The following FHOD3 variants were observed in gnomAD, a reference collection of about 807,000 sequenced individuals.
The protein encoded by FHOD3 is FH1/FH2 domain-containing protein 3.
FHOD3 carries 90 observed loss-of-function variants against 173.0 expected under a neutral mutation model. The observed-to-expected ratio is 0.52, with a 90% CI of 0.44 to 0.62. The LOEUF (loss-of-function observed/expected upper bound fraction) is 0.62. Ranked by LOEUF, FHOD3 falls within the 20% of genes least tolerant of loss-of-function variation. The pLI, the probability that FHOD3 is intolerant of heterozygous loss-of-function variation, is 0.00. For missense variants in FHOD3, 1,945 were observed against 2,034.7 expected (o/e 0.96, Z 0.85); for synonymous variants, 828 against 823.0 (o/e 1.01, Z -0.10).
At chr18:36,348,916 G>T (rs1348404199) in intron 1 of FHOD3, among the ~76,000 whole-genome samples, 3 of 152,216 alleles carry the variant, frequency 2.0e-5, no homozygotes, top group African/African-American at 7.2e-5. Flanking sequence ...TGCCATCCAG[G>T]TGCAGAGCAT....
intron 21 of FHOD3, 151 bp downstream of exon 21, chr18:36,740,989 G>A (rs2041876062): frequency 1.4e-6 from 1 of 709,280 alleles, no homozygotes; most frequent in Non-Finnish European, 2.1e-6. Flanking sequence ...TGTACACCAA[G>A]TGATCAGCAG....
chr18:36,308,695 G>A (rs72884276), intron 1 of FHOD3, among the ~76,000 whole-genome samples: 7,705 of 152,282 alleles, frequency 0.051, 244 homozygotes, highest in Middle Eastern at 0.082. Flanking sequence ...AGCCCCAGTA[G>A]CAGGAAGCAC....
At chr18:36,653,487 T>C (rs1374767853) in intron 13 of FHOD3, 71 bp downstream of exon 13, 1 of 1,140,544 alleles carries the variant, frequency 8.8e-7, no homozygotes, top group East Asian at 2.6e-5. Context: ...CATTTTTCTT[T>C]TCAAAGAATG....
At chr18:36,318,802 G>A (rs1160562176) in intron 1 of FHOD3, among the ~76,000 whole-genome samples, 1 of 152,144 alleles carries the variant, frequency 6.6e-6, no homozygotes, top group Admixed American at 6.5e-5. Flanking sequence ...TCTTGTGCCA[G>A]TTTTCAAAGG....
chr18:36,567,839 C>G (rs1314130722), intron 5 of FHOD3, among the ~76,000 whole-genome samples: 2 of 152,018 alleles, frequency 1.3e-5, no homozygotes, highest in Non-Finnish European at 2.9e-5. Flanking sequence ...CCAGGTAATC[C>G]CATGGTGAGA....
intron 9 of FHOD3, among the ~76,000 whole-genome samples, chr18:36,625,176 T>C (rs1396888096): frequency 6.6e-6 from 1 of 152,016 alleles, no homozygotes; most frequent in Non-Finnish European, 1.5e-5. Flanking sequence ...GGCAAGGAGA[T>C]GGTGAAGGCC....
At chr18:36,351,290 C>T (rs2046112807) in intron 1 of FHOD3, among the ~76,000 whole-genome samples, 1 of 152,092 alleles carries the variant, frequency 6.6e-6, no homozygotes, top group Admixed American at 6.6e-5. Context: ...GATGGGCCTG[C>T]CCACCCATTT....
At chr18:36,564,417 G>T (rs559675190) in intron 5 of FHOD3, among the ~76,000 whole-genome samples, 7 of 152,322 alleles carry the variant, frequency 4.6e-5, no homozygotes, top group African/African-American at 1.2e-4. Flanking sequence ...GAACGGGAAA[G>T]ACTGGGAGAG....
At chr18:36,765,172 G>A (rs2043087928) in intron 27 of FHOD3, among the ~76,000 whole-genome samples, 1 of 152,228 alleles carries the variant, frequency 6.6e-6, no homozygotes, top group Non-Finnish European at 1.5e-5. Flanking sequence ...TGCTAGAAAT[G>A]TTGAAGGAGA....
intron 10 of FHOD3, 137 bp from the exon 11 acceptor site, chr18:36,649,179 G>GC: frequency 2.0e-6 from 1 of 491,690 alleles, no homozygotes; most frequent in Non-Finnish European, 3.5e-6. Context: ...CAGCTGGGTG[G>GC]TTTTTTTTTT....
At chr18:36,463,416 T>C (rs1568305025) in intron 3 of FHOD3, among the ~76,000 whole-genome samples, 1 of 36 alleles carries the variant, frequency 0.028, no homozygotes, top group East Asian at 0.17. Flanking sequence ...TTTAAAAAAA[T>C]AATATATATT....
At chr18:36,316,395 C>T (rs140976064) in intron 1 of FHOD3, among the ~76,000 whole-genome samples, 1 of 152,262 alleles carries the variant, frequency 6.6e-6, no homozygotes, top group Non-Finnish European at 1.5e-5. Flanking sequence ...CACATTTCAC[C>T]AGCATTTGTT....
intron 1 of FHOD3, among the ~76,000 whole-genome samples, chr18:36,345,637 TG>T (rs2045844604): frequency 6.6e-6 from 1 of 152,114 alleles, no homozygotes; most frequent in Admixed American, 6.6e-5. Context: ...GATGAGGTCT[TG>T]TGAAAATTAT....
chr18:36,769,569 G>A, intron 28 of FHOD3, 143 bp downstream of exon 28: 1 of 1,166,740 alleles, frequency 8.6e-7, no homozygotes. Context: ...TCCACAGAAA[G>A]TTTCAGGGTT....
At chr18:36,730,943 G>C in intron 20 of FHOD3, 139 bp downstream of exon 20, 1 of 909,856 alleles carries the variant, frequency 1.1e-6, no homozygotes, top group East Asian at 2.8e-5. Context: ...ATTCTTACAC[G>C]TGTTAAACTT....
At chr18:36,588,310 G>A (rs2059107364) in intron 6 of FHOD3, among the ~76,000 whole-genome samples, 1 of 152,146 alleles carries the variant, frequency 6.6e-6, no homozygotes, top group Admixed American at 6.5e-5. Context: ...TAAATAAAGA[G>A]TTTGTATCCT....
Position 36,742,864 on chromosome 18 carries a change from A to G in FHOD3, c.3879+8A>G. ...TTTCTAAATGGAACTAATGTAAGTCATCCCCATCCCTCATCCTGTAGCCCC... is the reference window on the plus strand; with the variant it reads ...TTTCTAAATGGAACTAATGTAAGTCGTCCCCATCCCTCATCCTGTAGCCCC... On this transcript the variant is annotated splice_region_variant and intron_variant, in intron 22 of 28. Coordinates refer to ENST00000590592, the MANE Select transcript of FHOD3 (RefSeq NM_001281740.3). The G allele has an allele frequency of 1.2e-6, 2 of 1,608,680 alleles. No homozygotes were observed. Among genetic ancestry groups the G allele is most frequent in the East Asian group, 2.2e-5 (1 of 44,788 alleles).
intron 7 of FHOD3, among the ~76,000 whole-genome samples, chr18:36,600,194 A>C (rs963267812): frequency 6.6e-6 from 1 of 150,910 alleles, no homozygotes. Context: ...TTTCTCTGTT[A>C]TGTGAAGGGC....
At position 36,470,393 on chromosome 18, in the gene FHOD3, C is replaced by T. The variant is rs767496346; in HGVS notation, c.338-31539C>T. Among the ~76,000 whole-genome samples, 7 of 152,310 alleles carry T rather than the reference C, an allele frequency of 4.6e-5. No homozygotes were observed. The East Asian group carries it at 5.8e-4, about 13-fold the overall frequency. ...ATTAGCTCAGAGGCAAAGGATTTTA[C>T]CGTTCACGTCTATGACGGTTGTCTT... On this transcript the variant is annotated intron_variant, in intron 3 of 28. Coordinates refer to ENST00000590592, the MANE Select transcript of FHOD3 (RefSeq NM_001281740.3).
Sources: gnomAD v4.1 joint callset for allele counts (sites outside exome capture counted in the v4.1 genomes callset) on GRCh38, gnomAD v4.1.1 for gene constraint, MANE v1.5 for transcripts, NCBI Gene and HGNC (gene_info 2026-07-23, HGNC 2026-07-21) for gene names.